The following GCLM variants were observed in gnomAD, a reference collection of about 807,000 sequenced individuals.
GCLM encodes the protein glutamate--cysteine ligase regulatory subunit.
Under a neutral mutation model 36.0 loss-of-function variants are expected in GCLM, and 15 were observed. The ratio of observed to expected loss-of-function variants is 0.42; its 90% CI spans 0.28 to 0.64. The LOEUF is 0.64. Ranked by LOEUF, GCLM falls within the 30% of genes least tolerant of loss-of-function variation. The probability of loss-of-function intolerance (pLI) is 0.25; values close to 1 mark genes in which losing one functional copy is unlikely to be tolerated. For missense variants in GCLM, 242 were observed against 325.5 expected (o/e 0.74, Z 1.97); for synonymous variants, 129 against 122.8 (o/e 1.05, Z -0.34).
In GCLM at chr1:93,888,981, C is replaced by T. The variant is rs368297984; in HGVS notation, c.*9G>A. 2.6e-6 allele frequency: 4 copies of T among 1,565,658 alleles called. No individual in the cohort carries two copies. The East Asian group carries it at 9.4e-5, about 37-fold the overall frequency. On this transcript the variant is annotated 3_prime_UTR_variant, in exon 7 of 7. Coordinates refer to ENST00000370238, the MANE Select transcript of GCLM (RefSeq NM_002061.4). ...AGGAAATTACAGGTAAGTTATGCTC[C>T]TAAGTCAGTTAAGAACCCCTTCTTT...
intron 6 of GCLM, among the ~76,000 whole-genome samples, chr1:93,892,727 T>C (rs1404372409): frequency 1.3e-5 from 2 of 152,210 alleles, no homozygotes; most frequent in East Asian, 3.9e-4. Context: ...TAGCACACAT[T>C]CTAAATGTCA....
At chr1:93,894,782 A>C (rs182660679) in intron 5 of GCLM, 54 bp from the exon 6 acceptor site, 1 of 830,444 alleles carries the variant, frequency 1.2e-6, no homozygotes, top group East Asian at 2.5e-5. Context: ...ATAATACCAA[A>C]AGTAGAAAGC....
intron 2 of GCLM, 22 bp downstream of exon 2, chr1:93,904,501 T>A (rs770862823): frequency 6.6e-7 from 1 of 1,508,690 alleles, no homozygotes; most frequent in East Asian, 2.3e-5. Flanking sequence ...CTGCATGATT[T>A]TTGCATTCAC....
intron 6 of GCLM, among the ~76,000 whole-genome samples, chr1:93,893,275 A>G (rs1211831547): frequency 6.6e-6 from 1 of 152,158 alleles, no homozygotes; most frequent in African/African-American, 2.4e-5. Flanking sequence ...AAAAAAATGT[A>G]TAGTTTCCGT....
chr1:93,907,953 G>C (rs1010910569), intron 1 of GCLM, among the ~76,000 whole-genome samples: 1 of 152,140 alleles, frequency 6.6e-6, no homozygotes, highest in African/African-American at 2.4e-5. Context: ...AGCTGATTTA[G>C]GAAGGTTTTT....
In GCLM at chr1:93,894,720, T is replaced by A. The variant is rs767358231; in HGVS notation, c.549A>T (p.Pro183=). 6.4e-6 allele frequency: 10 copies of A among 1,560,456 alleles called. No homozygotes were observed. In the South Asian group the frequency reaches 1.1e-4, roughly 17 times the overall value. The change falls in exon 6 of 7, where the codon CCA becomes CCT. Residue 183 remains proline, a synonymous_variant. Coordinates refer to ENST00000370238, the MANE Select transcript of GCLM (RefSeq NM_002061.4). ...AGGCAAGATTAACTTGGTTACTATT[T>A]GGTTTTACCTAGAAGTGAAAATAAA... is the stretch of plus-strand genomic sequence containing the variant. ...EQLYQWAQVK[P]NSNQVNLASC...
intron 6 of GCLM, among the ~76,000 whole-genome samples, chr1:93,892,464 A>G (rs985356979): frequency 2.0e-5 from 3 of 152,208 alleles, no homozygotes; most frequent in Non-Finnish European, 4.4e-5. Flanking sequence ...AACTGCTTTT[A>G]AAATTTAATT....
chr1:93,901,655 G>C lies in GCLM; in HGVS notation c.207C>G (p.Val69=), dbSNP rs754217749. 6.5e-7 allele frequency: 1 copy of C among 1,535,842 alleles called. No individual in the cohort carries two copies. Among genetic ancestry groups the C allele is most frequent in the Non-Finnish European group, 9.0e-7 (1 of 1,112,900 alleles). ...NPDLVREFPD[V]LECTVSHAVE... is the part of the protein sequence containing the mutation. ...CTGCATGAGATACAGTGCATTCCAA[G>C]ACATCTGGAAACTCCTATAATAAAC... is the stretch of plus-strand genomic sequence containing the variant. Residue 69 remains valine, a synonymous_variant, in exon 3 of 7, where the codon GTC becomes GTG. Transcript: ENST00000370238.
At chr1:93,894,591 T>C in intron 6 of GCLM, 23 bp downstream of exon 6, 3 of 1,177,554 alleles carry the variant, frequency 2.5e-6, no homozygotes, top group Non-Finnish European at 3.8e-6. Context: ...GATCAATCTC[T>C]ATAATGAAAA....
At chr1:93,906,823 C>A (rs772989347) in intron 1 of GCLM, among the ~76,000 whole-genome samples, 1 of 152,124 alleles carries the variant, frequency 6.6e-6, no homozygotes. Context: ...ACCATTAGAT[C>A]TGGAGTTGTA....
chr1:93,889,973 G>A lies in GCLM; in HGVS notation c.656-814C>T, dbSNP rs538016940. On this transcript the variant is annotated intron_variant, in intron 6 of 6. Coordinates refer to ENST00000370238, the MANE Select transcript of GCLM (RefSeq NM_002061.4). The stretch of plus-strand genomic sequence containing the variant: ...GTTGCCCAGGCTGGAGTGCAATGGT[G>A]TGATCTTGGCCCACTGCAACCTCCA... Among the ~76,000 whole-genome samples the A allele has an allele frequency of 2.2e-3, 335 of 151,432 alleles. 2 individuals carry two copies. The highest frequency in any genetic ancestry group is 7.8e-3 in the African/African-American group (323 of 41,276).
At chr1:93,902,798 A>C (rs1657008794) in intron 2 of GCLM, among the ~76,000 whole-genome samples, 1 of 152,176 alleles carries the variant, frequency 6.6e-6, no homozygotes, top group African/African-American at 2.4e-5. Flanking sequence ...TGACATACAA[A>C]TCCTGTGCTC....
chr1:93,889,511 T>C (rs978430708), intron 6 of GCLM, among the ~76,000 whole-genome samples: 2 of 152,100 alleles, frequency 1.3e-5, no homozygotes, highest in African/African-American at 4.8e-5. Context: ...ATCCTATCAA[T>C]TGGAGATGAT....
chr1:93,891,691 TC>T (rs1656539688), intron 6 of GCLM, among the ~76,000 whole-genome samples: 1 of 152,186 alleles, frequency 6.6e-6, no homozygotes, highest in Non-Finnish European at 1.5e-5. Context: ...ATGGAAAGAT[TC>T]CACTGGGGTC....
At chr1:93,902,027 T>C (rs1441274590) in intron 2 of GCLM, among the ~76,000 whole-genome samples, 1 of 152,098 alleles carries the variant, frequency 6.6e-6, no homozygotes, top group Non-Finnish European at 1.5e-5. Context: ...AAGAAACCAA[T>C]GAAAATAATA....
In GCLM at chr1:93,889,283, C is replaced by T; in HGVS notation, c.656-124G>A. On this transcript the variant is annotated intron_variant, in intron 6 of 6. Transcript: ENST00000370238. The stretch of plus-strand genomic sequence containing the variant: ...ACCTCAACATTTAATATATAATATG[C>T]TTATTCTTCATGTGTGTGCTATGAA... 4 of 531,074 alleles carry T rather than the reference C, an allele frequency of 7.5e-6. No individual in the cohort carries two copies. The South Asian group carries it at 1.3e-4, about 17-fold the overall frequency. The allele number at this position is 531,074 out of a possible 1,614,324, so 32.9% of individuals were successfully genotyped here.
chr1:93,888,659 C>G lies in GCLM; in HGVS notation c.*331G>C, dbSNP rs1354149133. 2 of 165,756 alleles carry G rather than the reference C, an allele frequency of 1.2e-5. No homozygotes were observed. The highest frequency in any genetic ancestry group is 1.3e-5 in the Non-Finnish European group (1 of 77,374). The allele number at this position is 165,756 out of a possible 1,614,324, so 10.3% of individuals were successfully genotyped here. ...AATAAAAAATATGTATATACATTAC[C>G]CTGATACCTAGGCCAAAATATATCT... On this transcript the variant is annotated 3_prime_UTR_variant, in exon 7 of 7. Transcript: ENST00000370238.
chr1:93,902,474 A>G lies in GCLM; in HGVS notation c.193-805T>C, dbSNP rs200346006. On this transcript the variant is annotated intron_variant, in intron 2 of 6. Coordinates refer to ENST00000370238, the MANE Select transcript of GCLM (RefSeq NM_002061.4). Reference sequence around the variant, plus strand: ...ATTACAGGCATGAGCCACCGCGCCCAGCCTGTTTTTTTTTTTTTAAATATA... The same window carrying G: ...ATTACAGGCATGAGCCACCGCGCCCGGCCTGTTTTTTTTTTTTTAAATATA... 7.3e-4 allele frequency among the ~76,000 whole-genome samples: 109 copies of G among 148,944 alleles called. 1 individual carries two copies. The East Asian group carries it at 0.015, about 21-fold the overall frequency.
At chr1:93,907,176 G>C (rs1402000558) in intron 1 of GCLM, among the ~76,000 whole-genome samples, 1 of 152,162 alleles carries the variant, frequency 6.6e-6, no homozygotes, top group African/African-American at 2.4e-5. Context: ...GAAACAAAAT[G>C]TGCCTCCCCT....
Sources: allele counts gnomAD v4.1 joint callset (sites outside exome capture counted in the v4.1 genomes callset), GRCh38; gene constraint gnomAD v4.1.1; transcripts MANE v1.5; gene names NCBI Gene and HGNC (gene_info 2026-07-23, HGNC 2026-07-21).